MSI2: variants seen among roughly 807,000 people sequenced by gnomAD.
The protein encoded by MSI2 is RNA-binding protein Musashi homolog 2.
A neutral mutation model predicts 45.6 loss-of-function variants in MSI2; 17 were observed. The ratio of observed to expected loss-of-function variants is 0.37; its 90% CI spans 0.26 to 0.56. The LOEUF (loss-of-function observed/expected upper bound fraction) is 0.56, where lower values mean the gene tolerates loss of function less well. MSI2 is among the 20% of genes least tolerant of loss of function. The pLI is 0.77. For synonymous variants in MSI2, 156 were observed against 158.2 expected, an observed-to-expected ratio of 0.99 and a Z score of 0.11; for missense variants, 293 against 444.2, an observed-to-expected ratio of 0.66 and a Z score of 3.06.
At chr17:57,436,806 C>T (rs915461093) in intron 6 of MSI2, among the ~76,000 whole-genome samples, 1 of 152,158 alleles carries the variant, frequency 6.6e-6, no homozygotes, top group African/African-American at 2.4e-5. Context: ...GCATCTAGTT[C>T]TGCCCAAGGT....
chr17:57,692,026 G>A, the MSI2 span, among the ~76,000 whole-genome samples: 2 of 152,158 alleles, frequency 1.3e-5, no homozygotes, highest in Non-Finnish European at 2.9e-5. Context: ...TTTGCTAAGA[G>A]CATGTGTGGA....
chr17:57,563,147 G>A (rs1295613770), intron 7 of MSI2, among the ~76,000 whole-genome samples: 1 of 148,770 alleles, frequency 6.7e-6, no homozygotes, highest in East Asian at 2.0e-4. Flanking sequence ...TGGGGTCCAT[G>A]TGCAGTTTTG....
At chr17:57,484,505 G>A (rs962660199) in intron 6 of MSI2, among the ~76,000 whole-genome samples, 1 of 152,230 alleles carries the variant, frequency 6.6e-6, no homozygotes, top group African/African-American at 2.4e-5. Context: ...GACTGGCTTA[G>A]TAGTTACCAC....
At chr17:57,656,385 C>T (rs1911590788) in intron 11 of MSI2, among the ~76,000 whole-genome samples, 1 of 152,212 alleles carries the variant, frequency 6.6e-6, no homozygotes, top group South Asian at 2.1e-4. Context: ...TTGAACAGAG[C>T]AGATCTTTTT....
At chr17:57,512,191 T>C (rs730607) in intron 6 of MSI2, among the ~76,000 whole-genome samples, 20,879 of 152,248 alleles carry the variant, frequency 0.14, 1,620 homozygotes, top group African/African-American at 0.2. Context: ...TCTGTCCCCA[T>C]GAACTCAAGG....
At chr17:57,691,209 A>ATCTATCTG in the MSI2 span, among the ~76,000 whole-genome samples, 1 of 59,202 alleles carries the variant, frequency 1.7e-5, no homozygotes, top group East Asian at 2.6e-4. Context: ...TCATCTATCT[A>ATCTATCTG]TCTATCTATC....
At chr17:57,650,092 T>C (rs753980578) in intron 10 of MSI2, among the ~76,000 whole-genome samples, 6 of 152,158 alleles carry the variant, frequency 3.9e-5, no homozygotes, top group Non-Finnish European at 7.3e-5. Context: ...ATTTCCTTTC[T>C]TGGATAAGTT....
intron 6 of MSI2, among the ~76,000 whole-genome samples, chr17:57,425,975 T>C (rs2084484349): frequency 1.3e-5 from 2 of 152,212 alleles, no homozygotes; most frequent in African/African-American, 4.8e-5. Context: ...AACATTTTTT[T>C]TTAATATTGA....
At chr17:57,690,082 C>T in the MSI2 span, among the ~76,000 whole-genome samples, 1 of 150,746 alleles carries the variant, frequency 6.6e-6, no homozygotes, top group Non-Finnish European at 1.5e-5. Flanking sequence ...CAATATTTTG[C>T]ATTACCACTA....
intron 6 of MSI2, among the ~76,000 whole-genome samples, chr17:57,513,994 G>T (rs1018977299): frequency 6.6e-6 from 1 of 152,200 alleles, no homozygotes; most frequent in Non-Finnish European, 1.5e-5. Flanking sequence ...AGGAGATTAA[G>T]ATTTCCTTTT....
At chr17:57,492,875 G>A (rs1409916749) in intron 6 of MSI2, among the ~76,000 whole-genome samples, 1 of 152,220 alleles carries the variant, frequency 6.6e-6, no homozygotes, top group Non-Finnish European at 1.5e-5. Flanking sequence ...GGGATTACAG[G>A]CGTGAGCCAC....
At chr17:57,314,564 ATTTTTT>A in intron 5 of MSI2, among the ~76,000 whole-genome samples, 1 of 61,652 alleles carries the variant, frequency 1.6e-5, no homozygotes, top group South Asian at 6.6e-4. Flanking sequence ...AGGCACCTGG[ATTTTTT>A]TTTTTTTTTT....
At chr17:57,588,288 C>T (rs1904503261) in intron 7 of MSI2, among the ~76,000 whole-genome samples, 1 of 152,232 alleles carries the variant, frequency 6.6e-6, no homozygotes, top group African/African-American at 2.4e-5. Flanking sequence ...AGGCTGGGTG[C>T]TGTGTACAGC....
intron 5 of MSI2, among the ~76,000 whole-genome samples, chr17:57,281,926 A>G (rs563522088): frequency 6.6e-6 from 1 of 152,240 alleles, no homozygotes; most frequent in African/African-American, 2.4e-5. Context: ...AGATCAAACA[A>G]CCTGAAAATG....
chr17:57,372,169 C>T (rs1339135200), intron 5 of MSI2, among the ~76,000 whole-genome samples: 1 of 152,114 alleles, frequency 6.6e-6, no homozygotes, highest in Non-Finnish European at 1.5e-5. Context: ...CTTGGATCAA[C>T]TTGAATTGCT....
chr17:57,624,353 G>C (rs1908595505), intron 9 of MSI2, among the ~76,000 whole-genome samples: 1 of 152,166 alleles, frequency 6.6e-6, no homozygotes, highest in Admixed American at 6.5e-5. Flanking sequence ...TTGAAATCAT[G>C]GTATAAGAAA....
intron 6 of MSI2, among the ~76,000 whole-genome samples, chr17:57,412,258 G>A (rs760160569): frequency 4.0e-4 from 61 of 151,996 alleles, no homozygotes; most frequent in Non-Finnish European, 6.8e-4. Flanking sequence ...GGCTGGTCTC[G>A]GACTCCAGAC....
chr17:57,361,134 C>T (rs1452646123), intron 5 of MSI2, among the ~76,000 whole-genome samples: 1 of 152,092 alleles, frequency 6.6e-6, no homozygotes. Context: ...AGGGTTACGG[C>T]CCCCCTGCAC....
intron 5 of MSI2, among the ~76,000 whole-genome samples, chr17:57,309,153 T>A (rs1248422969): frequency 6.6e-6 from 1 of 152,252 alleles, no homozygotes; most frequent in Non-Finnish European, 1.5e-5. Context: ...TACTCTTTAA[T>A]AAGTGAAAAT....
Sources: allele counts gnomAD v4.1 joint callset (sites outside exome capture counted in the v4.1 genomes callset), GRCh38; gene constraint gnomAD v4.1.1; transcripts MANE v1.5; gene names NCBI Gene and HGNC (gene_info 2026-07-23, HGNC 2026-07-21).